The following ZCCHC7 variants were observed in gnomAD, a reference collection of about 807,000 sequenced individuals.
ZCCHC7 encodes the protein zinc finger CCHC domain-containing protein 7.
Under a neutral mutation model 52.0 loss-of-function variants are expected in ZCCHC7, and 35 were observed. That is an observed-to-expected ratio of 0.67 (90% CI 0.51 to 0.89). ZCCHC7 has a LOEUF of 0.89. ZCCHC7 is among the 40% of genes least tolerant of loss of function. The pLI, the probability that ZCCHC7 is intolerant of heterozygous loss-of-function variation, is 0.00. For missense variants in ZCCHC7, 574 were observed against 649.1 expected, an observed-to-expected ratio of 0.88 and a Z score of 1.26; for synonymous variants, 217 against 221.5, an observed-to-expected ratio of 0.98 and a Z score of 0.18.
At chr9:37,336,744 G>A (rs72737787) in intron 6 of ZCCHC7, among the ~76,000 whole-genome samples, 39,553 of 151,416 alleles carry the variant, frequency 0.26, 6,222 homozygotes, top group Admixed American at 0.35. Flanking sequence ...TTATAGTCTA[G>A]CCCAATAAAC....
intron 2 of ZCCHC7, among the ~76,000 whole-genome samples, chr9:37,195,161 G>A (rs1436379585): frequency 6.6e-6 from 1 of 151,794 alleles, no homozygotes; most frequent in Admixed American, 6.6e-5. Context: ...TAGCAAGGCT[G>A]GTCTTGAACT....
At chr9:37,250,387 C>T (rs1226751816) in intron 2 of ZCCHC7, among the ~76,000 whole-genome samples, 2 of 151,662 alleles carry the variant, frequency 1.3e-5, no homozygotes, top group Non-Finnish European at 2.9e-5. Flanking sequence ...CTGCAACCTC[C>T]GCCTCCTGGA....
At chr9:37,126,146 G>T (rs998159478) in intron 1 of ZCCHC7, among the ~76,000 whole-genome samples, 166 bp from the exon 2 acceptor site, 1 of 152,164 alleles carries the variant, frequency 6.6e-6, no homozygotes, top group South Asian at 2.1e-4. Flanking sequence ...ACAGGAGTGG[G>T]TCCTAACAGG....
intron 2 of ZCCHC7, among the ~76,000 whole-genome samples, chr9:37,198,692 A>G (rs1823419866): frequency 6.6e-6 from 1 of 152,360 alleles, no homozygotes; most frequent in Admixed American, 6.5e-5. Flanking sequence ...TCCTAATGAT[A>G]GAGCTTGCTC....
At chr9:37,136,482 C>T (rs1843002357) in intron 2 of ZCCHC7, among the ~76,000 whole-genome samples, 1 of 150,400 alleles carries the variant, frequency 6.6e-6, no homozygotes, top group South Asian at 2.2e-4. Context: ...ATCTCTCTCT[C>T]TCTGTCTTGC....
At chr9:37,270,784 T>A (rs1390978693) in intron 2 of ZCCHC7, among the ~76,000 whole-genome samples, 1 of 138,238 alleles carries the variant, frequency 7.2e-6, no homozygotes, top group East Asian at 2.1e-4. Flanking sequence ...GAGGCCATCA[T>A]TGAAAGTAGT....
intron 7 of ZCCHC7, among the ~76,000 whole-genome samples, chr9:37,352,606 C>T (rs1821454405): frequency 6.7e-6 from 1 of 149,724 alleles, no homozygotes; most frequent in Admixed American, 6.7e-5. Context: ...GCAACCTCCA[C>T]CTCCTAGGTT....
intron 2 of ZCCHC7, among the ~76,000 whole-genome samples, chr9:37,272,440 C>T (rs942269192): frequency 2.7e-5 from 4 of 149,758 alleles, no homozygotes; most frequent in African/African-American, 9.8e-5. Context: ...CCTATGTAAC[C>T]ATCACCCGGG....
intron 2 of ZCCHC7, among the ~76,000 whole-genome samples, chr9:37,290,578 C>G (rs1828487255): frequency 6.6e-6 from 1 of 152,048 alleles, no homozygotes; most frequent in Non-Finnish European, 1.5e-5. Flanking sequence ...ATTGTTTGCA[C>G]CCGGGAGGCG....
chr9:37,344,559 G>C (rs899352188), intron 6 of ZCCHC7, among the ~76,000 whole-genome samples: 2 of 151,984 alleles, frequency 1.3e-5, no homozygotes, highest in South Asian at 4.2e-4. Context: ...CATGCCTTAC[G>C]CCAAGAGTGG....
At chr9:37,287,200 T>G (rs546553733) in intron 2 of ZCCHC7, among the ~76,000 whole-genome samples, 1 of 149,356 alleles carries the variant, frequency 6.7e-6, no homozygotes, top group Non-Finnish European at 1.5e-5. Flanking sequence ...CAGCCATGAT[T>G]TTCTTTCTCT....
chr9:37,261,423 A>G (rs1295579876), intron 2 of ZCCHC7, among the ~76,000 whole-genome samples: 1 of 152,236 alleles, frequency 6.6e-6, no homozygotes. Context: ...TCAATGAACT[A>G]GAATTGGAGT....
intron 2 of ZCCHC7, among the ~76,000 whole-genome samples, chr9:37,251,046 C>T (rs187919119): frequency 1.9e-3 from 290 of 152,228 alleles, no homozygotes; most frequent in Admixed American, 4.4e-3. Context: ...TTCTCTCAGT[C>T]TAGGCATGAT....
chr9:37,307,190 CTA>C (rs955409429), intron 5 of ZCCHC7, among the ~76,000 whole-genome samples: 4 of 152,064 alleles, frequency 2.6e-5, no homozygotes, highest in Admixed American at 6.5e-5. Flanking sequence ...GTTTTGGACA[CTA>C]TTTGCATTGT....
At chr9:37,123,942 A>G (rs974682539) in intron 1 of ZCCHC7, among the ~76,000 whole-genome samples, 1 of 152,168 alleles carries the variant, frequency 6.6e-6, no homozygotes, top group Non-Finnish European at 1.5e-5. Flanking sequence ...GGTATATGAT[A>G]CCCTTTAGAA....
intron 2 of ZCCHC7, among the ~76,000 whole-genome samples, chr9:37,202,065 C>A (rs1823661525): frequency 6.6e-6 from 1 of 152,268 alleles, no homozygotes; most frequent in Non-Finnish European, 1.5e-5. Context: ...CTTATTTGAT[C>A]CTCTAAGCAA....
intron 2 of ZCCHC7, among the ~76,000 whole-genome samples, chr9:37,136,576 A>G (rs1360279959): frequency 1.3e-5 from 2 of 151,486 alleles, no homozygotes; most frequent in African/African-American, 4.9e-5. Flanking sequence ...TCCTACCTCA[A>G]CCTCCCAGGT....
chr9:37,126,557 C>A lies in ZCCHC7; in HGVS notation c.225C>A (p.Ile75=), dbSNP rs1007859614. Residue 75 remains isoleucine, a synonymous_variant, in exon 2 of 9, where the codon ATC becomes ATA. Coordinates refer to ENST00000336755, the MANE Select transcript of ZCCHC7 (RefSeq NM_032226.3). ...GTAAACCAAATCAGAAGAAGCTAAT[C>A]GTCCTTTCAGATAGTGAGGTCATCC... ...SSSKPNQKKL[I]VLSDSEVIQL... is the part of the protein sequence containing the mutation. 1 of 1,614,070 alleles carries A rather than the reference C, an allele frequency of 6.2e-7. No individual in the cohort carries two copies. The highest frequency in any genetic ancestry group is 1.1e-5 in the South Asian group (1 of 91,078).
At chr9:37,321,150 G>A (rs1025107163) in intron 5 of ZCCHC7, among the ~76,000 whole-genome samples, 12 of 151,526 alleles carry the variant, frequency 7.9e-5, no homozygotes, top group East Asian at 3.9e-4. Context: ...CACCACACCC[G>A]GCTAATTTTT....
Sources: allele counts gnomAD v4.1 joint callset (sites outside exome capture counted in the v4.1 genomes callset), GRCh38; gene constraint gnomAD v4.1.1; transcripts MANE v1.5; gene names NCBI Gene and HGNC (gene_info 2026-07-23, HGNC 2026-07-21).